Variants in EPHA3 observed in about 807,000 individuals in gnomAD.
The protein encoded by EPHA3 is ephrin type-A receptor 3.
In EPHA3, 42 loss-of-function variants were observed where a neutral mutation model predicts 107.1. The ratio of observed to expected loss-of-function variants is 0.39; its 90% confidence interval spans 0.31 to 0.51. EPHA3 has a LOEUF of 0.51. Ranked by LOEUF, EPHA3 falls within the 20% of genes least tolerant of loss-of-function variation. The pLI, the probability that EPHA3 is intolerant of heterozygous loss-of-function variation, is 0.78. For synonymous variants in EPHA3, 461 were observed against 424.8 expected, an observed-to-expected ratio of 1.09 and a Z score of -1.05; for missense variants, 1,183 against 1,211.2, an observed-to-expected ratio of 0.98 and a Z score of 0.35.
At chr3:89,380,829 C>T (rs182031130) in intron 5 of EPHA3, among the ~76,000 whole-genome samples, 2,224 of 149,334 alleles carry the variant, frequency 0.015, 51 homozygotes, top group Admixed American at 0.048. Context: ...GGGGCAGTGG[C>T]GCAATCTTGG....
chr3:89,227,780 A>G (rs1219897713), intron 3 of EPHA3, among the ~76,000 whole-genome samples: 2 of 151,936 alleles, frequency 1.3e-5, no homozygotes, highest in African/African-American at 4.8e-5. Flanking sequence ...CTAGAACATG[A>G]TGGCTGTTAT....
At position 89,422,877 on chromosome 3, in the gene EPHA3, G is replaced by A. The variant is rs148593860; in HGVS notation, c.2074+3487G>A. ...TCATTTAGCCACAAACAATTTTAAT[G>A]TTTTTGAGCCTGATGGTCTTAAACA... On this transcript the variant is annotated intron_variant, in intron 11 of 16. Transcript: ENST00000336596. Among the ~76,000 whole-genome samples the A allele has an allele frequency of 9.7e-3, 1,468 of 151,426 alleles. 26 individuals carry two copies. The highest frequency in any genetic ancestry group is 0.034 in the African/African-American group (1,404 of 41,438).
intron 15 of EPHA3, among the ~76,000 whole-genome samples, chr3:89,451,666 A>G (rs1470247183): frequency 6.6e-6 from 1 of 152,114 alleles, no homozygotes; most frequent in Non-Finnish European, 1.5e-5. Flanking sequence ...ATGGAGTTTT[A>G]TCAGTAACGA....
At chr3:89,356,237 T>C (rs1331333355) in intron 5 of EPHA3, among the ~76,000 whole-genome samples, 1 of 150,994 alleles carries the variant, frequency 6.6e-6, no homozygotes, top group African/African-American at 2.4e-5. Context: ...CTATCATTGT[T>C]GGACATTTGG....
At chr3:89,231,142 A>G (rs1341279274) in intron 3 of EPHA3, among the ~76,000 whole-genome samples, 6 of 152,294 alleles carry the variant, frequency 3.9e-5, no homozygotes. Context: ...TGAAATGAAT[A>G]GGATAAGTTT....
intron 15 of EPHA3, among the ~76,000 whole-genome samples, chr3:89,459,680 G>A (rs1710181603): frequency 6.6e-6 from 1 of 152,044 alleles, no homozygotes. Context: ...TCCCCACCAT[G>A]CCTGACTAAT....
At chr3:89,129,195 G>A (rs1457224487) in intron 2 of EPHA3, among the ~76,000 whole-genome samples, 2 of 152,112 alleles carry the variant, frequency 1.3e-5, no homozygotes, top group Admixed American at 1.3e-4. Context: ...TTGTTCCCCA[G>A]AAATCTCTTA....
At chr3:89,364,320 C>T (rs1196349572) in intron 5 of EPHA3, among the ~76,000 whole-genome samples, 2 of 150,938 alleles carry the variant, frequency 1.3e-5, no homozygotes, top group African/African-American at 4.8e-5. Flanking sequence ...AGAGGCCTTT[C>T]AGAACACCAG....
intron 3 of EPHA3, among the ~76,000 whole-genome samples, chr3:89,334,867 G>A (rs997595593): frequency 3.9e-5 from 6 of 152,222 alleles, no homozygotes; most frequent in Non-Finnish European, 7.4e-5. Context: ...GCCATTTCCC[G>A]CTTCCTAGTC....
intron 2 of EPHA3, among the ~76,000 whole-genome samples, chr3:89,197,903 G>A (rs1705875728): frequency 6.6e-6 from 1 of 152,070 alleles, no homozygotes; most frequent in Admixed American, 6.6e-5. Flanking sequence ...TTGAACCTGG[G>A]AGACAGAGGT....
At chr3:89,136,008 G>C (rs931614227) in intron 2 of EPHA3, among the ~76,000 whole-genome samples, 1 of 152,058 alleles carries the variant, frequency 6.6e-6, no homozygotes, top group Non-Finnish European at 1.5e-5. Flanking sequence ...GGAAGTTTGG[G>C]TTCTAAAAAT....
chr3:89,191,473 A>G (rs1033926634), intron 2 of EPHA3, among the ~76,000 whole-genome samples: 1 of 151,702 alleles, frequency 6.6e-6, no homozygotes, highest in East Asian at 1.9e-4. Context: ...CGCCCGGCTA[A>G]TTTTTTGTAT....
At chr3:89,128,852 T>A (rs1026865321) in intron 2 of EPHA3, among the ~76,000 whole-genome samples, 1 of 152,106 alleles carries the variant, frequency 6.6e-6, no homozygotes, top group African/African-American at 2.4e-5. Context: ...ACATTTTTTA[T>A]ATTGGGAATT....
chr3:89,362,045 C>G (rs1418980630), intron 5 of EPHA3, among the ~76,000 whole-genome samples: 3 of 151,114 alleles, frequency 2.0e-5, no homozygotes. Context: ...ACTCATACTT[C>G]TAAAGTAGAG....
At chr3:89,440,870 G>A (rs535634088) in intron 13 of EPHA3, among the ~76,000 whole-genome samples, 2 of 152,294 alleles carry the variant, frequency 1.3e-5, no homozygotes, top group South Asian at 4.1e-4. Flanking sequence ...ATGTGGATAT[G>A]CAATTTATTC....
rs142784543 is a variant in EPHA3 at position 89,423,118 on chromosome 3, G to A, written c.2074+3728G>A. ...CCTTCCATTGGCCACTTTTCACCTA[G>A]CGAAATAGAAGGAATTATATTGGAT... On this transcript the variant is annotated intron_variant, in intron 11 of 16. Transcript: ENST00000336596. Among the ~76,000 whole-genome samples the A allele has an allele frequency of 2.6e-5, 4 of 151,502 alleles. No individual in the cohort carries two copies. The South Asian group carries it at 8.3e-4, about 31-fold the overall frequency.
At chr3:89,420,292 T>C (rs1709330237) in intron 11 of EPHA3, among the ~76,000 whole-genome samples, 1 of 151,498 alleles carries the variant, frequency 6.6e-6, no homozygotes, top group African/African-American at 2.4e-5. Flanking sequence ...ATTATATTTC[T>C]CTTTACCATT....
rs1305951231 is a variant in EPHA3, at chr3:89,340,910, T to C, written c.815-6T>C. On this transcript the variant is annotated splice_polypyrimidine_tract_variant and splice_region_variant and intron_variant, in intron 3 of 16. Coordinates refer to ENST00000336596, the MANE Select transcript of EPHA3 (RefSeq NM_005233.6). ...GACTTTTAAAAGAGAGTCATTTTGT[T>C]TGTAGCTTGTCGACCAGGTTTCTAC... is the stretch of plus-strand genomic sequence containing the variant. 3.8e-6 allele frequency: 6 copies of C among 1,596,660 alleles called. No homozygotes were observed. The highest frequency in any genetic ancestry group is 3.6e-5 in the Admixed American group (2 of 55,906).
chr3:89,290,129 C>T (rs1232471513), intron 3 of EPHA3, among the ~76,000 whole-genome samples: 3 of 152,066 alleles, frequency 2.0e-5, no homozygotes, highest in African/African-American at 4.8e-5. Context: ...TCTAAGAGTT[C>T]CTTTCTGGAG....
Sources: gnomAD v4.1 joint callset for allele counts (sites outside exome capture counted in the v4.1 genomes callset) on GRCh38, gnomAD v4.1.1 for gene constraint, MANE v1.5 for transcripts, NCBI Gene and HGNC (gene_info 2026-07-23, HGNC 2026-07-21) for gene names.